Variants in CDC20B observed in about 807,000 individuals in gnomAD.
CDC20B encodes cell division cycle protein 20 homolog B.
A neutral mutation model predicts 64.1 loss-of-function variants in CDC20B; 58 were observed. The ratio of observed to expected loss-of-function variants is 0.90; its 90% CI spans 0.73 to 1.13. The LOEUF is 1.13. Ranked by LOEUF, CDC20B falls within the 50% of genes most tolerant of loss-of-function variation. The probability of loss-of-function intolerance (pLI) is 0.00; values close to 1 mark genes in which losing one functional copy is unlikely to be tolerated. For missense variants in CDC20B, 597 were observed against 633.0 expected (o/e 0.94, Z 0.61); for synonymous variants, 243 against 230.6 (o/e 1.05, Z -0.49).
In CDC20B at chr5:55,132,130, A is replaced by T. The variant is rs192215292; in HGVS notation, c.697+1282T>A. Among the ~76,000 whole-genome samples, 7 of 152,370 alleles carry T rather than the reference A, an allele frequency of 4.6e-5. No homozygotes were observed. The East Asian group carries it at 1.3e-3, about 29-fold the overall frequency. ...GGAACAAACATTGTTTCTTTTTAAT[A>T]TAACAGTTTTTTAACATTTTTTGAA... On this transcript the variant is annotated intron_variant, in intron 6 of 11. Coordinates refer to ENST00000381375, the MANE Select transcript of CDC20B (RefSeq NM_001170402.1).
At position 55,114,588 on chromosome 5, in the gene CDC20B, C is replaced by A. The variant is rs1580333014; in HGVS notation, c.1460-270G>T. 6.6e-6 allele frequency among the ~76,000 whole-genome samples: 1 copy of A among 152,182 alleles called. No individual in the cohort carries two copies. The highest frequency in any genetic ancestry group is 1.9e-4 in the East Asian group (1 of 5,190). On this transcript the variant is annotated intron_variant, in intron 11 of 11. Coordinates refer to ENST00000381375, the MANE Select transcript of CDC20B (RefSeq NM_001170402.1). This position sits in a 1 kb window ranked among gnomAD's most constrained non-coding sequence, Gnocchi z 4.1. ...TTACCACCCATTGGGTGGCTTAAAA[C>A]AACAGAAATTGATTCTCACAGTTCT... is the stretch of plus-strand genomic sequence containing the variant.
At chr5:55,117,871 T>C (rs1742660123) in intron 11 of CDC20B, among the ~76,000 whole-genome samples, 1 of 152,004 alleles carries the variant, frequency 6.6e-6, no homozygotes, top group Admixed American at 6.6e-5. Flanking sequence ...TCCCAGCACT[T>C]TGGGAGGCCG....
intron 2 of CDC20B, among the ~76,000 whole-genome samples, chr5:55,155,501 C>T (rs1743783358): frequency 6.6e-6 from 1 of 152,128 alleles, no homozygotes; most frequent in Non-Finnish European, 1.5e-5. Flanking sequence ...GTGCCGCTCC[C>T]ACCCACCACC....
intron 2 of CDC20B, among the ~76,000 whole-genome samples, chr5:55,154,385 G>T (rs976647331): frequency 1.3e-5 from 2 of 152,120 alleles, no homozygotes; most frequent in Admixed American, 6.5e-5. Context: ...GGGCATGGTG[G>T]CACGCACCTG....
At chr5:55,133,317 G>C in intron 6 of CDC20B, 95 bp downstream of exon 6, 1 of 560,328 alleles carries the variant, frequency 1.8e-6, no homozygotes, top group South Asian at 4.1e-5. Flanking sequence ...GAGACATAAA[G>C]GCCATCTGGT....
chr5:55,126,487 A>AAAAAAAAAAAAAAAAAAAAAAAT (rs1742897984), intron 8 of CDC20B: 1 of 272,288 alleles, frequency 3.7e-6, no homozygotes, highest in African/African-American at 2.4e-5. Context: ...AAAAAAAAAA[A>AAAAAAAAAAAAAAAAAAAAAAAT]CAGTCTTTGG....
chr5:55,168,216 G>A (rs1744477432), intron 2 of CDC20B, among the ~76,000 whole-genome samples: 1 of 151,964 alleles, frequency 6.6e-6, no homozygotes. Flanking sequence ...AGCAGTGCAG[G>A]GGAATAAAAA....
intron 7 of CDC20B, among the ~76,000 whole-genome samples, chr5:55,127,682 C>G (rs1742929369): frequency 6.6e-6 from 1 of 152,144 alleles, no homozygotes; most frequent in Non-Finnish European, 1.5e-5. Flanking sequence ...AATTCCAAAT[C>G]TGGAAATCTA....
At chr5:55,163,173 G>A (rs942585581) in intron 2 of CDC20B, among the ~76,000 whole-genome samples, 7 of 151,960 alleles carry the variant, frequency 4.6e-5, no homozygotes, top group Non-Finnish European at 1.0e-4. Context: ...TAAATCTTGA[G>A]TGGTATAAAT....
chr5:55,129,972 C>A (rs991179301), intron 6 of CDC20B, among the ~76,000 whole-genome samples: 2 of 152,154 alleles, frequency 1.3e-5, no homozygotes, highest in African/African-American at 4.8e-5. Context: ...AAAACATAAC[C>A]AATAGATGAA....
At chr5:55,165,075 T>A (rs1353240675) in intron 2 of CDC20B, 1 of 152,182 alleles carries the variant, frequency 6.6e-6, no homozygotes, top group Non-Finnish European at 1.5e-5. Flanking sequence ...ATAGGCTGAT[T>A]TGGGTTGCTA....
At position 55,121,133 on chromosome 5, in the gene CDC20B, G is replaced by T. The variant is rs556251112; in HGVS notation, c.1216-583C>A. ...GTATCACACATTTATATTGATAATT[G>T]AAATTACTAATAATAATCACTTTAA... is the stretch of plus-strand genomic sequence containing the variant. On this transcript the variant is annotated intron_variant, in intron 9 of 11. Coordinates refer to ENST00000381375, the MANE Select transcript of CDC20B (RefSeq NM_001170402.1). Among the ~76,000 whole-genome samples, 45 of 152,088 alleles carry T rather than the reference G, an allele frequency of 3.0e-4. 2 individuals are homozygous for T. In the South Asian group the frequency reaches 8.9e-3, roughly 30 times the overall value.
At chr5:55,134,763 A>G (rs946473619) in intron 5 of CDC20B, among the ~76,000 whole-genome samples, 2 of 152,176 alleles carry the variant, frequency 1.3e-5, no homozygotes, top group African/African-American at 4.8e-5. Flanking sequence ...AGACATGAAG[A>G]AACCTTAAAT....
intron 2 of CDC20B, chr5:55,161,062 A>C (rs759765643): frequency 3.7e-6 from 6 of 1,614,176 alleles, no homozygotes; most frequent in Non-Finnish European, 5.1e-6. Context: ...GGCTGAAGGA[A>C]CTGCACAAAG....
intron 6 of CDC20B, among the ~76,000 whole-genome samples, chr5:55,132,036 G>C (rs1388225339): frequency 6.6e-6 from 1 of 151,982 alleles, no homozygotes; most frequent in African/African-American, 2.4e-5. Context: ...TCCAGCCTGG[G>C]TGACAAAGCA....
intron 2 of CDC20B, chr5:55,170,471 A>C: frequency 1.4e-5 from 7 of 515,828 alleles, no homozygotes; most frequent in Non-Finnish European, 2.4e-5. Context: ...GGCTTGCTTC[A>C]TAGCAGAAAG....
chr5:55,160,664 GTGAACATGATGACATTTATTAATAAAAGT>G (rs1419138674), intron 2 of CDC20B: 2 of 474,494 alleles, frequency 4.2e-6, no homozygotes, highest in African/African-American at 4.0e-5. Context: ...AGTTAGTAAT[GTGAACATGATGACATTTATTAATAAAAGT>G]ATTGGTTCTA....
chr5:55,139,878 T>G (rs1187960550), intron 5 of CDC20B, among the ~76,000 whole-genome samples: 1 of 151,826 alleles, frequency 6.6e-6, no homozygotes, highest in African/African-American at 2.4e-5. Context: ...TACAAAAAAA[T>G]TAACCAGGCA....
chr5:55,153,335 A>G (rs1291176321), intron 2 of CDC20B, among the ~76,000 whole-genome samples: 3 of 152,266 alleles, frequency 2.0e-5, no homozygotes, highest in Non-Finnish European at 4.4e-5. Context: ...AAATGAAACA[A>G]CAAAAGTGTA....
Sources: allele counts gnomAD v4.1 joint callset (sites outside exome capture counted in the v4.1 genomes callset), GRCh38; gene constraint gnomAD v4.1.1; non-coding constraint Gnocchi (gnomAD v3.1); transcripts MANE v1.5; gene names NCBI Gene and HGNC (gene_info 2026-07-23, HGNC 2026-07-21).